METAP1D: variants seen among roughly 807,000 people sequenced by gnomAD.
The protein encoded by METAP1D is methionyl aminopeptidase type 1D, mitochondrial.
In METAP1D, 31 loss-of-function variants were observed where a neutral mutation model predicts 40.5. The ratio of observed to expected loss-of-function variants is 0.77; its 90% CI spans 0.58 to 1.03. The LOEUF (loss-of-function observed/expected upper bound fraction) is 1.03, where lower values mean the gene tolerates loss of function less well. METAP1D is among the 50% of genes least tolerant of loss of function. The pLI is 0.00. For synonymous variants in METAP1D, 151 were observed against 146.4 expected (o/e 1.03, Z -0.22); for missense variants, 411 against 420.7 (o/e 0.98, Z 0.20).
At chr2:172,004,555 C>A (rs998344145) in intron 1 of METAP1D, among the ~76,000 whole-genome samples, 1 of 152,138 alleles carries the variant, frequency 6.6e-6, no homozygotes, top group Admixed American at 6.6e-5. Flanking sequence ...GAACTCCTGA[C>A]CTCTGGTGAC....
intron 1 of METAP1D, among the ~76,000 whole-genome samples, chr2:172,002,917 AT>A (rs1229373512): frequency 1.2e-4 from 19 of 152,148 alleles, no homozygotes; most frequent in African/African-American, 4.3e-4. Flanking sequence ...GCCTCAACTC[AT>A]TGTGGCTTTG....
chr2:172,063,729 T>A lies in METAP1D; in HGVS notation c.217T>A (p.Tyr73Asn), dbSNP rs374478594. 14 of 1,613,612 alleles carry A rather than the reference T, an allele frequency of 8.7e-6. No homozygotes were observed. In the African/African-American group the frequency reaches 1.6e-4, roughly 18 times the overall value. Residue 73 changes from tyrosine (Y) to asparagine (N), a missense_variant, in exon 3 of 10, where the codon TAT (tyrosine) becomes AAT (asparagine). Tyr to Asn is a moderately radical substitution (Grantham distance 143). Transcript: ENST00000315796. Reference sequence around the variant, plus strand: ...CCTCAAGCACATAAAGAAGCCAGACTATGTGACGACAGGCATTGTACCAGA... The same window carrying A: ...CCTCAAGCACATAAAGAAGCCAGACAATGTGACGACAGGCATTGTACCAGA... ...PVPKHIKKPD[Y>N]VTTGIVPDWG...
rs528798429 is a variant in METAP1D, at chr2:172,050,443, T to A, written c.41-11055T>A. 7.3e-4 allele frequency among the ~76,000 whole-genome samples: 111 copies of A among 152,048 alleles called. No homozygotes were observed. The East Asian group carries it at 7.5e-3, about 10-fold the overall frequency. On this transcript the variant is annotated intron_variant, in intron 1 of 9. Coordinates refer to ENST00000315796, the MANE Select transcript of METAP1D (RefSeq NM_199227.3). The stretch of plus-strand genomic sequence containing the variant: ...TTTTGTTACTATATCAGTTTTTTTT[T>A]AAAAAACTCATGATGTTTTTATATA...
chr2:172,075,616 C>T (rs955486415), intron 6 of METAP1D, among the ~76,000 whole-genome samples: 1 of 152,154 alleles, frequency 6.6e-6, no homozygotes, highest in African/African-American at 2.4e-5. Flanking sequence ...ACCCTACAAT[C>T]AGGTAAATAA....
rs1690435782 is a variant in METAP1D, at chr2:172,072,155, G to T, written c.704+1085G>T. 2.0e-5 allele frequency among the ~76,000 whole-genome samples: 3 copies of T among 152,264 alleles called. No individual in the cohort carries two copies. In the South Asian group the frequency reaches 6.2e-4, roughly 32 times the overall value. ...TTCTTTCATAGGAAATGTTGAATCA[G>T]ACCCCTACTGGGAAAAGAAATTTAA... On this transcript the variant is annotated intron_variant, in intron 6 of 9. Coordinates refer to ENST00000315796, the MANE Select transcript of METAP1D (RefSeq NM_199227.3).
At chr2:172,066,044 TC>T (rs1280371120) in intron 4 of METAP1D, among the ~76,000 whole-genome samples, 2 of 152,224 alleles carry the variant, frequency 1.3e-5, no homozygotes. Context: ...GGCAAATTTT[TC>T]TTATCAACTC....
chr2:172,019,823 C>G (rs1574096056), intron 1 of METAP1D, among the ~76,000 whole-genome samples: 1 of 152,132 alleles, frequency 6.6e-6, no homozygotes, highest in Non-Finnish European at 1.5e-5. Context: ...GCTTCCTGAT[C>G]ATACCTCTAG....
rs144486551 is a variant in METAP1D at position 172,041,602 on chromosome 2, C to G, written c.41-19896C>G. On this transcript the variant is annotated intron_variant, in intron 1 of 9. Transcript: ENST00000315796. ...TTTGTTAGAGACAGGACCCCTAACA[C>G]TGAAGACTGGTTGCCCCCAACTCAA... Among the ~76,000 whole-genome samples, 36 of 125,144 alleles carry G rather than the reference C, an allele frequency of 2.9e-4. 1 individual carries two copies. The East Asian group carries it at 6.6e-3, about 23-fold the overall frequency. The allele number at this position is 125,144 out of a possible 152,430, so 82.1% of individuals were successfully genotyped here.
At chr2:172,054,339 G>C (rs190292556) in intron 1 of METAP1D, among the ~76,000 whole-genome samples, 1 of 152,140 alleles carries the variant, frequency 6.6e-6, no homozygotes, top group Non-Finnish European at 1.5e-5. Flanking sequence ...GGCCAACATG[G>C]TGAAACCCGT....
intron 6 of METAP1D, 23 bp from the exon 7 acceptor site, chr2:172,077,774 A>G (rs777333178): frequency 8.0e-7 from 1 of 1,254,314 alleles, no homozygotes; most frequent in Non-Finnish European, 1.1e-6. Flanking sequence ...ATTTAATTAA[A>G]TATTTTTTGG....
rs1690735991 is a variant in METAP1D at position 172,082,241 on chromosome 2, A to T, written c.*1835A>T. 1 of 152,034 alleles carries T rather than the reference A, an allele frequency of 6.6e-6. No individual in the cohort carries two copies. The highest frequency in any genetic ancestry group is 1.5e-5 in the Non-Finnish European group (1 of 68,032). The allele number at this position is 152,034 out of a possible 1,614,324, so 9.4% of individuals were successfully genotyped here. The stretch of plus-strand genomic sequence containing the variant: ...TTCAGTTTTCTCCTAAGGCAATCAG[A>T]TTGCAACCATTAGCATTGTATCTTA... On this transcript the variant is annotated 3_prime_UTR_variant, in exon 10 of 10. Transcript: ENST00000315796.
chr2:172,013,231 G>A (rs959430490), intron 1 of METAP1D, among the ~76,000 whole-genome samples: 7 of 152,138 alleles, frequency 4.6e-5, no homozygotes, highest in African/African-American at 9.7e-5. Flanking sequence ...TTCTGTCCCC[G>A]GCTTCGTTGG....
rs371964791 is a variant in METAP1D, at chr2:172,009,291, C to T, written c.40+9282C>T. Among the ~76,000 whole-genome samples, 178 of 152,256 alleles carry T rather than the reference C, an allele frequency of 1.2e-3. 1 individual carries two copies. Among genetic ancestry groups the T allele is most frequent in the East Asian group, 0.012 (60 of 5,180 alleles). ...ATTTCCTGACCTCGTGGTCCGCCCACTTCGGCCTCCCAAAGTGCTGGGATT... is the reference window on the plus strand; with the variant it reads ...ATTTCCTGACCTCGTGGTCCGCCCATTTCGGCCTCCCAAAGTGCTGGGATT... On this transcript the variant is annotated intron_variant, in intron 1 of 9. Transcript: ENST00000315796.
rs1215094349 is a variant in METAP1D, at chr2:172,055,087, G to A, written c.41-6411G>A. ...TGAGGTTTCTGGTGATTTCCCACTG[G>A]TGTCTCTAAAAACATCAGATTAGTC... is the stretch of plus-strand genomic sequence containing the variant. On this transcript the variant is annotated intron_variant, in intron 1 of 9. Coordinates refer to ENST00000315796, the MANE Select transcript of METAP1D (RefSeq NM_199227.3). Among the ~76,000 whole-genome samples the A allele has an allele frequency of 2.6e-5, 4 of 152,114 alleles. No homozygotes were observed. The East Asian group carries it at 7.7e-4, about 29-fold the overall frequency.
intron 3 of METAP1D, chr2:172,064,363 C>A (rs1212726022): frequency 1.3e-5 from 2 of 152,472 alleles, no homozygotes; most frequent in East Asian, 1.9e-4. Flanking sequence ...AGATTTAGTT[C>A]TTTTAGGCCA....
At chr2:172,049,701 C>T (rs886663746) in intron 1 of METAP1D, among the ~76,000 whole-genome samples, 2 of 152,088 alleles carry the variant, frequency 1.3e-5, no homozygotes, top group African/African-American at 2.4e-5. Flanking sequence ...TGTATACTTT[C>T]TCTTTATTTT....
chr2:172,035,114 A>T (rs1689339995), intron 1 of METAP1D, among the ~76,000 whole-genome samples: 1 of 151,408 alleles, frequency 6.6e-6, no homozygotes, highest in Admixed American at 6.6e-5. Context: ...ATGAATGATT[A>T]TGAAGCAAAT....
intron 5 of METAP1D, among the ~76,000 whole-genome samples, chr2:172,069,584 A>T (rs1690372867): frequency 2.0e-5 from 3 of 152,216 alleles, no homozygotes; most frequent in African/African-American, 7.2e-5. Context: ...TGTAAAACCT[A>T]TGAAGCAAAG....
rs962364719 is a variant in METAP1D at position 172,043,615 on chromosome 2, G to A, written c.41-17883G>A. Among the ~76,000 whole-genome samples, 7 of 134,252 alleles carry A rather than the reference G, an allele frequency of 5.2e-5. 3 individuals carry two copies. The highest frequency in any genetic ancestry group is 1.2e-4 in the Non-Finnish European group (7 of 57,694). The allele number at this position is 134,252 out of a possible 152,430, so 88.1% of individuals were successfully genotyped here. ...AAAATTATTTTATTTATATTTAATA[G>A]CATTATATTCCATTATAAAAATTTC... On this transcript the variant is annotated intron_variant, in intron 1 of 9. Transcript: ENST00000315796.
Sources: allele counts gnomAD v4.1 joint callset (sites outside exome capture counted in the v4.1 genomes callset), GRCh38; gene constraint gnomAD v4.1.1; transcripts MANE v1.5; gene names NCBI Gene and HGNC (gene_info 2026-07-23, HGNC 2026-07-21).